Variants in CDK14 observed in about 807,000 individuals in gnomAD.
The protein encoded by CDK14 is cyclin-dependent kinase 14.
In CDK14, 34 loss-of-function variants were observed where a neutral mutation model predicts 60.7. That is an observed-to-expected ratio of 0.56 (90% CI 0.43 to 0.75). CDK14 has a LOEUF of 0.75. Among genes scored for constraint, CDK14 ranks in the 30% least tolerant of loss-of-function variants. CDK14 has a pLI of 0.00. For synonymous variants in CDK14, 197 were observed against 203.7 expected (o/e 0.97, Z 0.28); for missense variants, 482 against 564.1 (o/e 0.85, Z 1.47).
In CDK14 at chr7:90,818,856, T is replaced by TTC. The variant is rs1051253063; in HGVS notation, c.544+28214_544+28215dup. ...CCACAAAGAGCAAATGACCAATATT[T>TTC]TCTCTCTCTCTATGTGTGTGTGTAT... On this transcript the variant is annotated intron_variant, in intron 5 of 14. Coordinates refer to ENST00000380050, the MANE Select transcript of CDK14 (RefSeq NM_001287135.2). Among the ~76,000 whole-genome samples the TTC allele has an allele frequency of 2.1e-5, 3 of 144,794 alleles. No homozygotes were observed. In the East Asian group the frequency reaches 6.1e-4, roughly 29 times the overall value. 95.0% of individuals were successfully genotyped at this position (144,794 alleles called of 152,430 possible).
At chr7:91,054,088 A>ATTTTTTTTTT (rs10675646) in intron 11 of CDK14, among the ~76,000 whole-genome samples, 8 of 112,968 alleles carry the variant, frequency 7.1e-5, no homozygotes, top group South Asian at 2.9e-4. Context: ...CTGCAAAATA[A>ATTTTTTTTTT]TTTTTTTTTT....
At chr7:90,971,151 TG>T (rs67275640) in intron 9 of CDK14, among the ~76,000 whole-genome samples, 61,885 of 144,696 alleles carry the variant, frequency 0.43, 14,125 homozygotes, top group East Asian at 0.7. Flanking sequence ...TGAGAACATG[TG>T]GTTTTTTTTT....
chr7:90,736,350 G>GTT (rs869290471), intron 3 of CDK14, among the ~76,000 whole-genome samples: 152 of 50,230 alleles, frequency 3.0e-3, no homozygotes, highest in South Asian at 4.3e-3. Context: ...TTATGTTTTT[G>GTT]TTTTTTTTTT....
At chr7:90,704,206 A>G (rs765819307) in intron 2 of CDK14, among the ~76,000 whole-genome samples, 1 of 152,208 alleles carries the variant, frequency 6.6e-6, no homozygotes, top group African/African-American at 2.4e-5. Flanking sequence ...ATAATTGTCA[A>G]CTTTACACGC....
chr7:91,176,766 T>A (rs1482650025), intron 14 of CDK14, among the ~76,000 whole-genome samples: 1 of 151,404 alleles, frequency 6.6e-6, no homozygotes, highest in East Asian at 1.9e-4. Context: ...CAGGAAAAAG[T>A]TGAATCTCTG....
intron 4 of CDK14, among the ~76,000 whole-genome samples, chr7:90,778,846 A>AACTTCCTT (rs1554335028): frequency 1.6e-5 from 2 of 127,864 alleles, no homozygotes; most frequent in African/African-American, 6.2e-5. Flanking sequence ...AAATTGACCG[A>AACTTCCTT]CCTTCCTTCC....
intron 10 of CDK14, among the ~76,000 whole-genome samples, chr7:91,029,573 T>TCTCTCCTCTC (rs143062382): frequency 0.068 from 8,895 of 129,956 alleles, 474 homozygotes; most frequent in Non-Finnish European, 0.099. Context: ...GGCTTCCTTC[T>TCTCTCCTCTC]CTCTCCTCTC....
chr7:90,668,696 A>ATTATTTTTTTTTTTTTTTTTT lies in CDK14; in HGVS notation c.124-57869_124-57868insATTTTTTTTTTTTTTTTTTTT, dbSNP rs1554431005. On this transcript the variant is annotated intron_variant, in intron 2 of 14. Coordinates refer to ENST00000380050, the MANE Select transcript of CDK14 (RefSeq NM_001287135.2). ...TTATATGGTGTAAGGAAGGACTCGC[A>ATTATTTTTTTTTTTTTTTTTT]TTCTTTTTTTTTTTTTTTTTTTTTT... 1.2e-3 allele frequency among the ~76,000 whole-genome samples: 79 copies of ATTATTTTTTTTTTTTTTTTTT among 68,418 alleles called. 4 individuals are homozygous for ATTATTTTTTTTTTTTTTTTTT. Among genetic ancestry groups the ATTATTTTTTTTTTTTTTTTTT allele is most frequent in the Admixed American group, 1.9e-3 (9 of 4,700 alleles). The allele number at this position is 68,418 out of a possible 152,430, so 44.9% of individuals were successfully genotyped here.
chr7:90,867,732 A>G (rs796895001), intron 6 of CDK14, among the ~76,000 whole-genome samples: 9 of 152,268 alleles, frequency 5.9e-5, no homozygotes, highest in African/African-American at 1.7e-4. Context: ...GCAGAGAGCT[A>G]CCGCACACCA....
chr7:90,655,142 T>C (rs1800725602), intron 2 of CDK14, among the ~76,000 whole-genome samples: 1 of 152,224 alleles, frequency 6.6e-6, no homozygotes, highest in Non-Finnish European at 1.5e-5. Context: ...GGTTCCTCTA[T>C]GTCTTTCCAT....
At chr7:90,936,578 T>G (rs1793761267) in intron 8 of CDK14, among the ~76,000 whole-genome samples, 1 of 152,218 alleles carries the variant, frequency 6.6e-6, no homozygotes, top group Non-Finnish European at 1.5e-5. Flanking sequence ...GATAATGGGT[T>G]TGTTCAGCCT....
intron 4 of CDK14, among the ~76,000 whole-genome samples, chr7:90,789,045 A>G (rs1035508584): frequency 3.3e-5 from 5 of 152,184 alleles, no homozygotes; most frequent in Admixed American, 6.5e-5. Flanking sequence ...AGAAATGCAC[A>G]TACCTTTGAC....
intron 10 of CDK14, among the ~76,000 whole-genome samples, chr7:90,994,016 T>A (rs1344339044): frequency 6.6e-6 from 1 of 152,244 alleles, no homozygotes; most frequent in Non-Finnish European, 1.5e-5. Flanking sequence ...ATACATGACT[T>A]TATTTTTAAC....
At chr7:90,808,611 T>G (rs1362483403) in intron 5 of CDK14, among the ~76,000 whole-genome samples, 1 of 152,138 alleles carries the variant, frequency 6.6e-6, no homozygotes, top group Non-Finnish European at 1.5e-5. Flanking sequence ...AATTCACACA[T>G]AAAGATATTA....
chr7:91,187,891 TCTC>T (rs148466683), intron 14 of CDK14, among the ~76,000 whole-genome samples: 8,728 of 152,254 alleles, frequency 0.057, 378 homozygotes, highest in Admixed American at 0.14. Context: ...CATACTGTCT[TCTC>T]CTTACAGTAC....
At chr7:90,895,274 T>C (rs1335625805) in intron 6 of CDK14, among the ~76,000 whole-genome samples, 1 of 151,710 alleles carries the variant, frequency 6.6e-6, no homozygotes, top group African/African-American at 2.4e-5. Flanking sequence ...TATTTTAAAA[T>C]CTTCACAATT....
intron 3 of CDK14, among the ~76,000 whole-genome samples, chr7:90,728,593 T>G (rs1396673542): frequency 6.6e-6 from 1 of 152,142 alleles, no homozygotes; most frequent in Non-Finnish European, 1.5e-5. Context: ...AAATGTAGCT[T>G]GGGGAATTTT....
intron 11 of CDK14, among the ~76,000 whole-genome samples, chr7:91,056,773 A>G (rs1223431852): frequency 3.9e-5 from 6 of 152,112 alleles, no homozygotes; most frequent in African/African-American, 7.2e-5. Context: ...ATTCCATGCT[A>G]TATATGTGCC....
chr7:91,031,428 A>G (rs1055602621), intron 10 of CDK14, among the ~76,000 whole-genome samples: 7 of 152,212 alleles, frequency 4.6e-5, no homozygotes, highest in Non-Finnish European at 1.0e-4. Context: ...AAAAAATCCC[A>G]AAATATTAGA....
Sources: gnomAD v4.1 joint callset for allele counts (sites outside exome capture counted in the v4.1 genomes callset) on GRCh38, gnomAD v4.1.1 for gene constraint, MANE v1.5 for transcripts, NCBI Gene and HGNC (gene_info 2026-07-23, HGNC 2026-07-21) for gene names.